The following RAB3C variants were observed in gnomAD, a reference collection of about 807,000 sequenced individuals.
The protein encoded by RAB3C is ras-related protein Rab-3C.
A neutral mutation model predicts 26.4 loss-of-function variants in RAB3C; 17 were observed. The ratio of observed to expected loss-of-function variants is 0.64; its 90% CI spans 0.44 to 0.97. RAB3C has a LOEUF of 0.97. RAB3C is among the 50% of genes least tolerant of loss of function. The pLI, the probability that RAB3C is intolerant of heterozygous loss-of-function variation, is 0.00. For synonymous variants in RAB3C, 91 were observed against 95.9 expected, an observed-to-expected ratio of 0.95 and a Z score of 0.30; for missense variants, 242 against 281.9, an observed-to-expected ratio of 0.86 and a Z score of 1.01.
intron 3 of RAB3C, among the ~76,000 whole-genome samples, chr5:58,749,681 TG>T (rs1400227663): frequency 1.3e-5 from 2 of 152,220 alleles, no homozygotes; most frequent in Non-Finnish European, 2.9e-5. Flanking sequence ...ATAAATGTAA[TG>T]GTTTGTCATA....
At chr5:58,583,604 A>T (rs1050468596) in intron 1 of RAB3C, among the ~76,000 whole-genome samples, 2 of 152,204 alleles carry the variant, frequency 1.3e-5, no homozygotes, top group African/African-American at 4.8e-5. Context: ...TTTAAGGCAG[A>T]TAGATCAGAT....
chr5:58,654,744 C>T (rs1241613356), intron 2 of RAB3C, among the ~76,000 whole-genome samples: 2 of 152,140 alleles, frequency 1.3e-5, no homozygotes, highest in Non-Finnish European at 2.9e-5. Context: ...AAATCTTTTA[C>T]TGTATAGCTG....
intron 1 of RAB3C, among the ~76,000 whole-genome samples, chr5:58,609,302 A>C (rs1031240623): frequency 1.3e-5 from 2 of 152,086 alleles, no homozygotes; most frequent in Non-Finnish European, 2.9e-5. Flanking sequence ...TACTTTTTAC[A>C]TTTTACCTTC....
At chr5:58,761,622 A>C (rs1022629064) in intron 3 of RAB3C, among the ~76,000 whole-genome samples, 4 of 152,084 alleles carry the variant, frequency 2.6e-5, no homozygotes, top group African/African-American at 7.2e-5. Context: ...CTGAACTTTG[A>C]CATACACACA....
At chr5:58,693,855 G>T (rs1292797206) in intron 2 of RAB3C, among the ~76,000 whole-genome samples, 1 of 152,140 alleles carries the variant, frequency 6.6e-6, no homozygotes, top group Non-Finnish European at 1.5e-5. Flanking sequence ...ACAGGCATCT[G>T]GGGGCTTTCC....
chr5:58,623,126 G>A (rs2111732919), intron 2 of RAB3C, among the ~76,000 whole-genome samples: 1 of 152,270 alleles, frequency 6.6e-6, no homozygotes, highest in South Asian at 2.1e-4. Flanking sequence ...TCTGTTTTGT[G>A]TTTAAAACAC....
intron 2 of RAB3C, among the ~76,000 whole-genome samples, chr5:58,661,088 G>T (rs1457380649): frequency 6.7e-6 from 1 of 149,942 alleles, no homozygotes; most frequent in Non-Finnish European, 1.5e-5. Flanking sequence ...TTATTTTAAG[G>T]TCCTATTAAA....
At chr5:58,633,625 G>A (rs959099863) in intron 2 of RAB3C, among the ~76,000 whole-genome samples, 2 of 152,040 alleles carry the variant, frequency 1.3e-5, no homozygotes, top group African/African-American at 2.4e-5. Flanking sequence ...ATAATCTATC[G>A]TTCAGATTTT....
intron 3 of RAB3C, among the ~76,000 whole-genome samples, chr5:58,766,391 C>T (rs964886646): frequency 2.0e-5 from 3 of 152,150 alleles, no homozygotes; most frequent in Non-Finnish European, 4.4e-5. Context: ...GCTGGGATTA[C>T]AGGCATGAGC....
Position 58,762,302 on chromosome 5 carries a change from G to A in RAB3C, c.371+36182G>A, listed in dbSNP as rs545562487. 3.9e-5 allele frequency among the ~76,000 whole-genome samples: 6 copies of A among 152,258 alleles called. 1 individual carries two copies. The highest frequency in any genetic ancestry group is 1.4e-4 in the African/African-American group (6 of 41,552). On this transcript the variant is annotated intron_variant, in intron 3 of 4. Transcript: ENST00000282878. ...GACAGTGAAGATCTAGACAATGGTTGTTACTTCCTGTTAGTATCATCTCGT... is the reference window on the plus strand; with the variant it reads ...GACAGTGAAGATCTAGACAATGGTTATTACTTCCTGTTAGTATCATCTCGT...
chr5:58,739,401 G>T (rs1322001221), intron 3 of RAB3C, among the ~76,000 whole-genome samples: 1 of 152,130 alleles, frequency 6.6e-6, no homozygotes, highest in Non-Finnish European at 1.5e-5. Context: ...CCTTTCTATA[G>T]CTGGAGAATT....
intron 3 of RAB3C, among the ~76,000 whole-genome samples, chr5:58,805,483 G>C (rs1301394435): frequency 6.6e-6 from 1 of 151,444 alleles, no homozygotes; most frequent in South Asian, 2.1e-4. Context: ...TACACAGGGG[G>C]CTGAAGCATG....
At chr5:58,849,487 C>T (rs1241741862) in intron 4 of RAB3C, among the ~76,000 whole-genome samples, 1 of 152,090 alleles carries the variant, frequency 6.6e-6, no homozygotes, top group East Asian at 1.9e-4. Context: ...AAAGACTGCA[C>T]AAACATTATA....
At chr5:58,828,901 C>CT (rs762653092) in intron 4 of RAB3C, among the ~76,000 whole-genome samples, 1,682 of 122,374 alleles carry the variant, frequency 0.014, 44 homozygotes, top group East Asian at 0.019. Flanking sequence ...TTTTACCATG[C>CT]TTTTTTTTTT....
chr5:58,720,972 CA>C (rs1020050906), intron 2 of RAB3C, among the ~76,000 whole-genome samples: 8 of 151,732 alleles, frequency 5.3e-5, no homozygotes, highest in Admixed American at 2.0e-4. Flanking sequence ...GTTATTTCTG[CA>C]TGACCTTAGA....
rs183191992 is a variant in RAB3C at position 58,700,312 on chromosome 5, A to G, written c.253-25690A>G. ...TTTAGTTTTATGAAACTTCCAGGTA[A>G]TATTAAAATCCAAAGCATCCTGATT... On this transcript the variant is annotated intron_variant, in intron 2 of 4. Coordinates refer to ENST00000282878, the MANE Select transcript of RAB3C (RefSeq NM_138453.4). Among the ~76,000 whole-genome samples the G allele has an allele frequency of 4.6e-5, 7 of 152,338 alleles. No individual in the cohort carries two copies. In the East Asian group the frequency reaches 1.2e-3, roughly 25 times the overall value.
chr5:58,625,216 G>A (rs941745143), intron 2 of RAB3C, among the ~76,000 whole-genome samples: 16 of 150,472 alleles, frequency 1.1e-4, no homozygotes, highest in African/African-American at 3.6e-4. Context: ...TATTTTATTT[G>A]CAATGCTGGA....
chr5:58,724,059 C>T (rs2111916872), intron 2 of RAB3C, among the ~76,000 whole-genome samples: 1 of 151,836 alleles, frequency 6.6e-6, no homozygotes, highest in Admixed American at 6.6e-5. Context: ...AATGTATCTG[C>T]CTCTGATTCC....
At chr5:58,844,495 T>G (rs73758017) in intron 4 of RAB3C, among the ~76,000 whole-genome samples, 3,135 of 152,312 alleles carry the variant, frequency 0.021, 93 homozygotes, top group African/African-American at 0.069. Flanking sequence ...TCCTAAAGCC[T>G]GTCTCTGGGC....
Sources: gnomAD v4.1 joint callset for allele counts (sites outside exome capture counted in the v4.1 genomes callset) on GRCh38, gnomAD v4.1.1 for gene constraint, MANE v1.5 for transcripts, NCBI Gene and HGNC (gene_info 2026-07-23, HGNC 2026-07-21) for gene names.